Variants in RTKN observed in about 807,000 individuals in gnomAD.
The protein encoded by RTKN is rhotekin.
Under a neutral mutation model 63.5 loss-of-function variants are expected in RTKN, and 49 were observed. The ratio of observed to expected loss-of-function variants is 0.77; its 90% CI spans 0.61 to 0.98. The LOEUF is 0.98. RTKN is among the 50% of genes least tolerant of loss of function. The pLI is 0.00. For missense variants in RTKN, 685 were observed against 740.8 expected, an observed-to-expected ratio of 0.92 and a Z score of 0.87; for synonymous variants, 295 against 290.4, an observed-to-expected ratio of 1.02 and a Z score of -0.16.
At chr2:74,433,470 T>C (rs1293377146) in intron 1 of RTKN, among the ~76,000 whole-genome samples, 2 of 151,486 alleles carry the variant, frequency 1.3e-5, no homozygotes, top group African/African-American at 2.4e-5. Flanking sequence ...AAGCCATACA[T>C]ACAAAAATAT....
chr2:74,428,292 C>T lies in RTKN; in HGVS notation c.1062G>A (p.Pro354=), dbSNP rs768749139. Residue 354 remains proline (P), a synonymous_variant, in exon 9 of 12, where the codon CCG becomes CCA. Coordinates refer to ENST00000272430, the MANE Select transcript of RTKN (RefSeq NM_001015055.2). ...CCTTGTTGACAGCAATAGTAAGCAG[C>T]GGCTCTTCCCCAGTGTCTGCATCCT... ...QPEDADTGEE[P]LLTIAVNKET... is the part of the protein sequence containing the mutation. 1.1e-5 allele frequency: 17 copies of T among 1,614,136 alleles called. No homozygotes were observed. The highest frequency in any genetic ancestry group is 1.6e-4 in the Middle Eastern group (1 of 6,062).
Position 74,432,519 on chromosome 2 carries a change from C to G in RTKN, c.259G>C (p.Gly87Arg). 1 of 1,613,848 alleles carries G rather than the reference C, an allele frequency of 6.2e-7. No homozygotes were observed. Among genetic ancestry groups the G allele is most frequent in the Non-Finnish European group, 8.5e-7 (1 of 1,180,038 alleles). ...GCCTCCTTGCGCCGCTGCAGCTCGCCCATGTAGCTGAGGATGCGGCTGTTG... is the reference window on the plus strand; with the variant it reads ...GCCTCCTTGCGCCGCTGCAGCTCGCGCATGTAGCTGAGGATGCGGCTGTTG... ...VCNSRILSYMGELQRRKEAQV... is the reference protein window; with the variant it reads ...VCNSRILSYMRELQRRKEAQV... Residue 87 changes from glycine (G) to arginine (R), a missense_variant, in exon 2 of 12, where the codon GGC becomes CGC. Gly to Arg is a moderately radical substitution (Grantham distance 125). Coordinates refer to ENST00000272430, the MANE Select transcript of RTKN (RefSeq NM_001015055.2).
rs1671056147 is a variant in RTKN, at chr2:74,436,276, G to A, written c.112-3610C>T. Among the ~76,000 whole-genome samples the A allele has an allele frequency of 6.6e-6, 1 of 152,264 alleles. No individual in the cohort carries two copies. Among genetic ancestry groups the A allele is most frequent in the Non-Finnish European group, 1.5e-5 (1 of 68,038 alleles). ...CTGCACTGGCCTGGGGAGCCGGCTG[G>A]GTCCGAGGGCCGCGGGAAATCGGAG... On this transcript the variant is annotated intron_variant, in intron 1 of 11. Transcript: ENST00000272430. The surrounding 1 kb of genome is among the most constrained non-coding windows in gnomAD (Gnocchi z 4.3).
rs375547554 is a variant in RTKN, at chr2:74,428,606, C to G, written c.957+25G>C. 6 of 1,595,216 alleles carry G rather than the reference C, an allele frequency of 3.8e-6. No individual in the cohort carries two copies. In the African/African-American group the frequency reaches 4.0e-5, roughly 11 times the overall value. On this transcript the variant is annotated intron_variant, in intron 8 of 11. Coordinates refer to ENST00000272430, the MANE Select transcript of RTKN (RefSeq NM_001015055.2). ...CTCTCCTCTGCCTTCTCCCTGCTCC[C>G]TTCCACTCCTCAGGGCCCCCTCACC...
In RTKN at chr2:74,426,433, ACT is replaced by A; in HGVS notation, c.1500_1501del (p.Val501GlyfsTer30). On this transcript the variant is annotated frameshift_variant, in exon 12 of 12. Transcript: ENST00000272430. LOFTEE classifies it high-confidence loss of function. Reference sequence around the variant, plus strand: ...GTGGGTCCAGTCTGGGGCTGGGGCCACTGAGGCAGGCGAGCAGGGGTTAGGCA... The same window carrying A: ...GTGGGTCCAGTCTGGGGCTGGGGCCAGAGGCAGGCGAGCAGGGGTTAGGCA... 17 of 1,612,318 alleles carry A rather than the reference ACT, an allele frequency of 1.1e-5. No individual in the cohort carries two copies. The highest frequency in any genetic ancestry group is 1.4e-5 in the Non-Finnish European group (17 of 1,179,284).
intron 1 of RTKN, among the ~76,000 whole-genome samples, chr2:74,433,650 C>T (rs930642937): frequency 1.6e-4 from 24 of 152,188 alleles, no homozygotes; most frequent in South Asian, 8.3e-4. Context: ...CCACCACATC[C>T]GGCTAATTGT....
Position 74,427,558 on chromosome 2 carries a change from G to T in RTKN, c.1121C>A (p.Ala374Asp), listed in dbSNP as rs1378535217. ...TRVRAGELDQ[A>D]LGRPFTLSIS... ...GCTTAGGGTGAAGGGCCGTCCTAGA[G>T]CCTGGTCCAGCTCCCCTGCCCGGAC... The change falls in exon 10 of 12, where the codon GCT (alanine) becomes GAT (aspartate). Residue 374 changes from alanine (A) to aspartate (D), a missense_variant. Transcript: ENST00000272430. 1 of 1,613,434 alleles carries T rather than the reference G, an allele frequency of 6.2e-7. No individual in the cohort carries two copies. Among genetic ancestry groups the T allele is most frequent in the African/African-American group, 1.3e-5 (1 of 74,904 alleles).
At chr2:74,430,220 G>A in intron 5 of RTKN, 32 bp downstream of exon 5, 1 of 1,589,330 alleles carries the variant, frequency 6.3e-7, no homozygotes. Flanking sequence ...GCAGAGTGGA[G>A]GAAGGAGGTA....
intron 8 of RTKN, 27 bp downstream of exon 8, chr2:74,428,604 C>G: frequency 6.3e-7 from 1 of 1,592,642 alleles, no homozygotes; most frequent in Non-Finnish European, 8.6e-7. Flanking sequence ...TCTCCCTGCT[C>G]CCTTCCACTC....
intron 10 of RTKN, 47 bp downstream of exon 10, chr2:74,427,377 A>G: frequency 6.2e-7 from 1 of 1,608,896 alleles, no homozygotes; most frequent in Non-Finnish European, 8.5e-7. Context: ...AAAAATGACA[A>G]ACTCCAGTTC....
chr2:74,432,219 T>C lies in RTKN; in HGVS notation c.311+248A>G, dbSNP rs78971264. 1.0e-3 allele frequency: 681 copies of C among 665,768 alleles called. 3 individuals are homozygous for C. Among genetic ancestry groups the C allele is most frequent in the African/African-American group, 9.5e-3 (536 of 56,618 alleles). The allele number at this position is 665,768 out of a possible 1,614,324, so 41.2% of individuals were successfully genotyped here. On this transcript the variant is annotated intron_variant, in intron 2 of 11. Transcript: ENST00000272430. Reference sequence around the variant, plus strand: ...AAATTAGTGCTTTTGCATTACTTGCTACCCTTCAGATCAGCTACCTTTCAC... The same window carrying C: ...AAATTAGTGCTTTTGCATTACTTGCCACCCTTCAGATCAGCTACCTTTCAC...
intron 1 of RTKN, chr2:74,440,604 G>T: frequency 1.0e-6 from 1 of 980,110 alleles, no homozygotes; most frequent in Non-Finnish European, 1.2e-6. Context: ...GCTAATCCCA[G>T]GGGCGGCCCC....
rs141388964 is a variant in RTKN at position 74,427,242 on chromosome 2, C to A, written c.1287G>T (p.Met429Ile). 3 of 1,614,206 alleles carry A rather than the reference C, an allele frequency of 1.9e-6. No homozygotes were observed. The highest frequency in any genetic ancestry group is 2.5e-6 in the Non-Finnish European group (3 of 1,180,034). Reference sequence around the variant, plus strand: ...TCCGGGGAGCAGGAGTTTCAATTTTCATGATTTCATCACAGCACTGCTTCC... The same window carrying A: ...TCCGGGGAGCAGGAGTTTCAATTTTAATGATTTCATCACAGCACTGCTTCC... Reference protein sequence around the residue: ...SQWKQCCDEIMKIETPAPRKP... With the variant: ...SQWKQCCDEIIKIETPAPRKP... The change falls in exon 11 of 12, where the codon ATG (methionine) becomes ATT (isoleucine). Residue 429 changes from methionine (M) to isoleucine (I), a missense_variant. Transcript: ENST00000272430.
rs1475146318 is a variant in RTKN, at chr2:74,427,310, C to T, written c.1256-37G>A. The stretch of plus-strand genomic sequence containing the variant: ...GCGCTGATTAAAAGAGAGAGCCAGG[C>T]TGCCCTTTCTCCTGCTACATTCCCT... On this transcript the variant is annotated intron_variant, in intron 10 of 11. Coordinates refer to ENST00000272430, the MANE Select transcript of RTKN (RefSeq NM_001015055.2). 4 of 1,608,516 alleles carry T rather than the reference C, an allele frequency of 2.5e-6. No homozygotes were observed. In the African/African-American group the frequency reaches 5.3e-5, roughly 22 times the overall value.
intron 9 of RTKN, 196 bp downstream of exon 9, chr2:74,428,072 G>T: frequency 1.5e-6 from 1 of 651,250 alleles, no homozygotes; most frequent in Non-Finnish European, 2.6e-6. Flanking sequence ...ACTGAGGATG[G>T]CAAGTGAATG....
intron 1 of RTKN, among the ~76,000 whole-genome samples, chr2:74,438,343 T>C (rs1671168556): frequency 6.6e-6 from 1 of 152,104 alleles, no homozygotes; most frequent in Non-Finnish European, 1.5e-5. Flanking sequence ...TTCTCCACCA[T>C]GAGCATTTTA....
In RTKN at chr2:74,436,566, C is replaced by T. The variant is rs977141944; in HGVS notation, c.112-3900G>A. Among the ~76,000 whole-genome samples the T allele has an allele frequency of 6.6e-5, 10 of 152,144 alleles. No individual in the cohort carries two copies. The highest frequency in any genetic ancestry group is 3.9e-4 in the Admixed American group (6 of 15,282). On this transcript the variant is annotated intron_variant, in intron 1 of 11. Coordinates refer to ENST00000272430, the MANE Select transcript of RTKN (RefSeq NM_001015055.2). This position sits in a 1 kb window ranked among gnomAD's most constrained non-coding sequence, Gnocchi z 4.3. ...CTCCAGCTCCGGGAGGCCCCTCCCG[C>T]GTAGCGTTTGCCCTCCAAGGTGACC... is the stretch of plus-strand genomic sequence containing the variant.
intron 10 of RTKN, 29 bp from the exon 11 acceptor site, chr2:74,427,302 G>C (rs1443337821): frequency 1.2e-6 from 2 of 1,610,716 alleles, no homozygotes; most frequent in Non-Finnish European, 1.7e-6. Context: ...TTAAAAGAGA[G>C]AGCCAGGCTG....
chr2:74,440,344 C>T lies in RTKN; in HGVS notation c.111+1362G>A, dbSNP rs1011513469. ...CATCCAGCCCGCTCCACCCTGGGCT[C>T]ACAATTACCTCGCTTTTCCAGAGAA... On this transcript the variant is annotated intron_variant, in intron 1 of 11. Transcript: ENST00000272430. 14 of 986,324 alleles carry T rather than the reference C, an allele frequency of 1.4e-5. No homozygotes were observed. The East Asian group carries it at 1.6e-3, about 112-fold the overall frequency. 61.1% of individuals were successfully genotyped at this position (986,324 alleles called of 1,614,324 possible). A position where few individuals can be genotyped will look rare whatever the true frequency, so the allele number is the denominator to read the frequency against.
Sources: gnomAD v4.1 joint callset for allele counts (sites outside exome capture counted in the v4.1 genomes callset) on GRCh38, gnomAD v4.1.1 for gene constraint, Gnocchi (gnomAD v3.1) non-coding constraint, MANE v1.5 for transcripts, NCBI Gene and HGNC (gene_info 2026-07-23, HGNC 2026-07-21) for gene names.